Variants in PLCE1 observed in about 807,000 individuals in gnomAD.
The protein encoded by PLCE1 is 1-phosphatidylinositol 4,5-bisphosphate phosphodiesterase epsilon-1.
A neutral mutation model predicts 242.8 loss-of-function variants in PLCE1; 119 were observed. The ratio of observed to expected loss-of-function variants is 0.49; its 90% CI spans 0.42 to 0.57. PLCE1 has a LOEUF of 0.57. Among genes scored for constraint, PLCE1 ranks in the 20% least tolerant of loss-of-function variants. The pLI, the probability that PLCE1 is intolerant of heterozygous loss-of-function variation, is 0.00. For missense variants in PLCE1, 2,441 were observed against 2,788.8 expected, an observed-to-expected ratio of 0.88 and a Z score of 2.81; for synonymous variants, 945 against 1,017.4, an observed-to-expected ratio of 0.93 and a Z score of 1.35.
In PLCE1 at chr10:94,122,317, A is replaced by G. The variant is rs547234600; in HGVS notation, c.1207-9857A>G. ...TAAGTCCCTTCTGTAGGCCTAATTC[A>G]TGGCCTGACATCACAATCCTAAAAA... is the stretch of plus-strand genomic sequence containing the variant. On this transcript the variant is annotated intron_variant, in intron 2 of 32. Coordinates refer to ENST00000371380, the MANE Select transcript of PLCE1 (RefSeq NM_016341.4). 2.0e-5 allele frequency among the ~76,000 whole-genome samples: 3 copies of G among 152,286 alleles called. No homozygotes were observed. In the East Asian group the frequency reaches 5.8e-4, roughly 29 times the overall value.
chr10:94,048,950 G>A (rs528084228), intron 2 of PLCE1, among the ~76,000 whole-genome samples: 1 of 151,488 alleles, frequency 6.6e-6, no homozygotes, highest in East Asian at 1.9e-4. Flanking sequence ...TTTTAGTAGG[G>A]ATGGCATCTC....
At position 94,275,240 on chromosome 10, in the gene PLCE1, A is replaced by G. The variant is rs2051899227; in HGVS notation, c.4665+1520A>G. ...CTTCCCTCTGCAGCTGTACAGACTA[A>G]TTTTATATTTAGAAAGCTATCATGT... On this transcript the variant is annotated intron_variant, in intron 19 of 32. Transcript: ENST00000371380. 4.6e-5 allele frequency among the ~76,000 whole-genome samples: 7 copies of G among 151,938 alleles called. No homozygotes were observed. In the South Asian group the frequency reaches 1.5e-3, roughly 32 times the overall value.
chr10:94,293,238 T>C (rs1401684818), intron 22 of PLCE1, among the ~76,000 whole-genome samples: 1 of 152,242 alleles, frequency 6.6e-6, no homozygotes, highest in Admixed American at 6.5e-5. Flanking sequence ...AAAATCTTTC[T>C]GATGCACAAT....
At chr10:94,300,240 G>A (rs2052986239) in intron 24 of PLCE1, among the ~76,000 whole-genome samples, 2 of 152,174 alleles carry the variant, frequency 1.3e-5, no homozygotes, top group Admixed American at 1.3e-4. Context: ...ATAGCAAAAG[G>A]GAGCAACAGG....
intron 2 of PLCE1, chr10:94,089,201 G>A: frequency 6.2e-7 from 1 of 1,614,022 alleles, no homozygotes; most frequent in Non-Finnish European, 8.5e-7. Flanking sequence ...CACCAGGCTT[G>A]GTTTCTGTGC....
intron 4 of PLCE1, among the ~76,000 whole-genome samples, chr10:94,180,410 A>T (rs887902774): frequency 1.3e-5 from 2 of 152,092 alleles, no homozygotes; most frequent in Non-Finnish European, 2.9e-5. Flanking sequence ...CATGGGGGAT[A>T]ATTTATCATT....
chr10:94,208,207 G>A (rs973653457), intron 4 of PLCE1, among the ~76,000 whole-genome samples: 2 of 152,204 alleles, frequency 1.3e-5, no homozygotes, highest in Non-Finnish European at 2.9e-5. Flanking sequence ...AGGTGATCAA[G>A]ATTGACATCA....
intron 2 of PLCE1, among the ~76,000 whole-genome samples, chr10:94,103,450 A>G (rs1019168961): frequency 6.6e-6 from 1 of 152,216 alleles, no homozygotes; most frequent in African/African-American, 2.4e-5. Flanking sequence ...ACTTTGAATA[A>G]TAGTTCTTGA....
chr10:94,014,027 G>A (rs2061225479), intron 1 of PLCE1, among the ~76,000 whole-genome samples: 1 of 152,154 alleles, frequency 6.6e-6, no homozygotes, highest in African/African-American at 2.4e-5. Context: ...GTGTGATGCA[G>A]TTTCTTGGGA....
At position 94,313,105 on chromosome 10, in the gene PLCE1, C is replaced by T. The variant is rs1004222514; in HGVS notation, c.6004-149C>T. 10 of 810,980 alleles carry T rather than the reference C, an allele frequency of 1.2e-5. No homozygotes were observed. The African/African-American group carries it at 1.7e-4, about 14-fold the overall frequency. The allele number at this position is 810,980 out of a possible 1,614,324, so 50.2% of individuals were successfully genotyped here. ...CACTAAATGACTGAGGAAGAGGTACCATTTGTAGCACTAGGCTACAAATGG... is the reference window on the plus strand; with the variant it reads ...CACTAAATGACTGAGGAAGAGGTACTATTTGTAGCACTAGGCTACAAATGG... On this transcript the variant is annotated intron_variant, in intron 27 of 32. Coordinates refer to ENST00000371380, the MANE Select transcript of PLCE1 (RefSeq NM_016341.4).
At chr10:94,270,405 C>A in intron 17 of PLCE1, 81 bp from the exon 18 acceptor site, 1 of 900,842 alleles carries the variant, frequency 1.1e-6, no homozygotes, top group Non-Finnish European at 1.9e-6. Context: ...AATTGAGATG[C>A]TTTCTGTGGC....
chr10:94,086,213 T>C (rs2044820807), intron 2 of PLCE1, among the ~76,000 whole-genome samples: 1 of 152,214 alleles, frequency 6.6e-6, no homozygotes, highest in African/African-American at 2.4e-5. Context: ...GTATCATTGC[T>C]CAAAACATTT....
intron 4 of PLCE1, among the ~76,000 whole-genome samples, chr10:94,212,478 G>A (rs1332930019): frequency 2.0e-5 from 3 of 152,122 alleles, no homozygotes; most frequent in Admixed American, 6.6e-5. Flanking sequence ...GGATGGTCTT[G>A]ATCTCCTGAC....
chr10:94,317,942 A>G (rs1336542641), intron 29 of PLCE1, among the ~76,000 whole-genome samples: 1 of 152,162 alleles, frequency 6.6e-6, no homozygotes, highest in Non-Finnish European at 1.5e-5. Flanking sequence ...GGGGCATGTA[A>G]TAGTGCTTGC....
chr10:94,125,774 T>G (rs2046420083), intron 2 of PLCE1, among the ~76,000 whole-genome samples: 1 of 152,184 alleles, frequency 6.6e-6, no homozygotes, highest in South Asian at 2.1e-4. Flanking sequence ...TTTTCATAAG[T>G]GATCTCAAAA....
At chr10:94,010,053 TCC>T (rs1235470922) in intron 1 of PLCE1, among the ~76,000 whole-genome samples, 1 of 152,226 alleles carries the variant, frequency 6.6e-6, no homozygotes, top group African/African-American at 2.4e-5. Context: ...GTGGGGGCTC[TCC>T]CTCCATGGCA....
At chr10:94,097,781 A>G (rs1248543924) in intron 2 of PLCE1, among the ~76,000 whole-genome samples, 1 of 152,216 alleles carries the variant, frequency 6.6e-6, no homozygotes, top group African/African-American at 2.4e-5. Context: ...GCCTGCTGCC[A>G]TCGTCCAAGT....
At chr10:94,195,344 A>G (rs1202323469) in intron 4 of PLCE1, among the ~76,000 whole-genome samples, 1 of 152,152 alleles carries the variant, frequency 6.6e-6, no homozygotes, top group East Asian at 1.9e-4. Context: ...GGGCTCTTCC[A>G]GTTCTAGGAG....
chr10:94,022,953 A>G (rs764663324), intron 1 of PLCE1, among the ~76,000 whole-genome samples: 35 of 152,148 alleles, frequency 2.3e-4, no homozygotes, highest in Admixed American at 4.6e-4. Flanking sequence ...AAAGTGTAGC[A>G]TATTTATAAA....
Sources: gnomAD v4.1 joint callset for allele counts (sites outside exome capture counted in the v4.1 genomes callset) on GRCh38, gnomAD v4.1.1 for gene constraint, MANE v1.5 for transcripts, NCBI Gene and HGNC (gene_info 2026-07-23, HGNC 2026-07-21) for gene names.